The following SRPX2 variants were observed in gnomAD, a reference collection of about 807,000 sequenced individuals.
SRPX2 encodes the protein sushi repeat-containing protein SRPX2.
In SRPX2, 26 loss-of-function variants were observed where a neutral mutation model predicts 45.3. That is an observed-to-expected ratio of 0.57 (90% CI 0.42 to 0.80). SRPX2 has a LOEUF of 0.80. Ranked by LOEUF, SRPX2 falls within the 30% of genes least tolerant of loss-of-function variation. The pLI, the probability that SRPX2 is intolerant of heterozygous loss-of-function variation, is 0.00. For missense variants in SRPX2, 355 were observed against 399.8 expected (o/e 0.89, Z 0.95); for synonymous variants, 125 against 143.7 (o/e 0.87, Z 0.93).
intron 3 of SRPX2, among the ~76,000 whole-genome samples, chrX:100,655,279 G>C (rs2083165007): frequency 9.0e-6 from 1 of 111,657 alleles, no homozygotes; most frequent in Non-Finnish European, 1.9e-5. Context: ...GCAATGGAGG[G>C]AAGAGTGGGC....
chrX:100,668,342 AG>A (rs766294255), intron 9 of SRPX2, among the ~76,000 whole-genome samples: 868 of 52,337 alleles, frequency 0.017, 5 homozygotes, highest in African/African-American at 0.051. Context: ...AAAAAAAAAA[AG>A]AAAAAAAAAA....
intron 10 of SRPX2, 47 bp downstream of exon 10, chrX:100,669,416 C>CGGGGGGGGGGGGGG: frequency 9.6e-6 from 1 of 104,445 alleles, no homozygotes; most frequent in Non-Finnish European, 1.8e-5. Flanking sequence ...GGGGCTGGGG[C>CGGGGGGGGGGGGGG]GGGGGGAGAA....
At chrX:100,669,972 A>G (rs1220889054) in intron 10 of SRPX2, among the ~76,000 whole-genome samples, 1 of 110,003 alleles carries the variant, frequency 9.1e-6, no homozygotes, top group Non-Finnish European at 1.9e-5. Flanking sequence ...AGGTTTCGCC[A>G]TATTGGCCAG....
At chrX:100,656,565 C>T (rs1343845296) in intron 3 of SRPX2, among the ~76,000 whole-genome samples, 1 of 111,910 alleles carries the variant, frequency 8.9e-6, no homozygotes, top group Non-Finnish European at 1.9e-5. Context: ...TGAGAACATG[C>T]AGTATTTGTC....
rs745629959 is a variant in SRPX2, at chrX:100,666,795, C to G, written c.823C>G (p.Leu275Val). Residue 275 changes from leucine (L) to valine (V), a missense_variant, in exon 8 of 11, where the codon CTC (leucine) becomes GTC (valine). Leu to Val is a conservative substitution (Grantham distance 32, BLOSUM62 1). Coordinates refer to ENST00000373004, the MANE Select transcript of SRPX2 (RefSeq NM_014467.3). The part of the protein sequence containing the change: ...PTLKPPQHGY[L>V]TCTSAGDNYG... ...TCTGAAACCTCCGCAGCACGGCTAC[C>G]TCACCTGCACCTCAGCGGGGGACAA... The G allele has an allele frequency of 8.2e-7, 1 of 1,212,311 alleles. No homozygotes were observed. Among genetic ancestry groups the G allele is most frequent in the African/African-American group, 1.7e-5 (1 of 57,959 alleles).
Position 100,673,976 on chromosome X carries a change from G to C in SRPX2, c.*2989G>C, listed in dbSNP as rs976225586. 5.3e-5 allele frequency: 6 copies of C among 112,198 alleles called. No homozygotes were observed. The highest frequency in any genetic ancestry group is 1.9e-4 in the African/African-American group (6 of 30,852). The allele number at this position is 112,198 out of a possible 1,213,427, so 9.2% of individuals were successfully genotyped here. On this transcript the variant is annotated 3_prime_UTR_variant, in exon 11 of 11. Transcript: ENST00000373004. Reference sequence around the variant, plus strand: ...GCACAAGAGGTCAAGAATTGCTTGGGTTCTACCTAGAAATCAAGAGCCTTA... The same window carrying C: ...GCACAAGAGGTCAAGAATTGCTTGGCTTCTACCTAGAAATCAAGAGCCTTA...
At position 100,672,825 on chromosome X, in the gene SRPX2, A is replaced by G. The variant is rs1158431728; in HGVS notation, c.*1838A>G. ...AGTCTTGAAAGCGGAGTGATGGGAC[A>G]TAAATCATGAGCCCAGAACAAATTG... On this transcript the variant is annotated 3_prime_UTR_variant, in exon 11 of 11. Transcript: ENST00000373004. 1 of 112,312 alleles carries G rather than the reference A, an allele frequency of 8.9e-6. No homozygotes were observed. Among genetic ancestry groups the G allele is most frequent in the Non-Finnish European group, 1.9e-5 (1 of 53,307 alleles). 9.3% of individuals were successfully genotyped at this position (112,312 alleles called of 1,213,427 possible).
intron 3 of SRPX2, among the ~76,000 whole-genome samples, chrX:100,655,218 A>C (rs760937855): frequency 8.9e-6 from 1 of 111,989 alleles, no homozygotes; most frequent in East Asian, 2.8e-4. Flanking sequence ...CACACTTGCT[A>C]TGTAGTGATA....
chrX:100,654,681 A>T (rs930919919), intron 3 of SRPX2, among the ~76,000 whole-genome samples: 1 of 111,880 alleles, frequency 8.9e-6, no homozygotes, highest in Non-Finnish European at 1.9e-5. Context: ...TTTTAGATTC[A>T]GAGAGTCACA....
chrX:100,646,120 C>T (rs185982975), intron 1 of SRPX2, 73 bp from the exon 2 acceptor site: 52 of 435,001 alleles, frequency 1.2e-4, no homozygotes, highest in East Asian at 1.2e-4. Flanking sequence ...TATTCTATAA[C>T]ATGAAAGATC....
chrX:100,665,381 T>A lies in SRPX2; in HGVS notation c.659+12T>A. On this transcript the variant is annotated intron_variant, in intron 6 of 10. Coordinates refer to ENST00000373004, the MANE Select transcript of SRPX2 (RefSeq NM_014467.3). ...GGTACCATCACCAGGTGAGCCTGAATAATGGATGCCCCTTATGCCTTCCCT... is the reference window on the plus strand; with the variant it reads ...GGTACCATCACCAGGTGAGCCTGAAAAATGGATGCCCCTTATGCCTTCCCT... 1 of 1,209,071 alleles carries A rather than the reference T, an allele frequency of 8.3e-7. No homozygotes were observed.
At chrX:100,649,912 C>T (rs1204247303) in intron 2 of SRPX2, among the ~76,000 whole-genome samples, 2 of 112,039 alleles carry the variant, frequency 1.8e-5, no homozygotes, top group Admixed American at 9.4e-5. Flanking sequence ...GGAGGGCTTC[C>T]GGAAACTTCA....
At chrX:100,650,901 T>C (rs373743418) in intron 3 of SRPX2, 36 bp downstream of exon 3, 4 of 1,134,950 alleles carry the variant, frequency 3.5e-6, no homozygotes, top group Non-Finnish European at 4.8e-6. Context: ...AGAAAATCTC[T>C]TTTCTGGCCT....
rs1033984951 is a variant in SRPX2, at chrX:100,673,282, A to G, written c.*2295A>G. The G allele has an allele frequency of 5.3e-5, 6 of 112,492 alleles. No homozygotes were observed. Among genetic ancestry groups the G allele is most frequent in the African/African-American group, 1.9e-4 (6 of 30,946 alleles). The allele number at this position is 112,492 out of a possible 1,213,427, so 9.3% of individuals were successfully genotyped here. A position where few individuals can be genotyped will look rare whatever the true frequency, so the allele number is the denominator to read the frequency against. ...TGGACCTGACTCAAGGAACATTTAT[A>G]TGCAACTGAGGAGCTTTTGTTTCAT... On this transcript the variant is annotated 3_prime_UTR_variant, in exon 11 of 11. Coordinates refer to ENST00000373004, the MANE Select transcript of SRPX2 (RefSeq NM_014467.3).
intron 3 of SRPX2, among the ~76,000 whole-genome samples, chrX:100,658,745 G>A (rs1041308025): frequency 2.7e-5 from 3 of 111,974 alleles, no homozygotes; most frequent in Non-Finnish European, 3.8e-5. Context: ...CCATGAACAC[G>A]GGATATCTAT....
chrX:100,655,288 G>T (rs924566916), intron 3 of SRPX2, among the ~76,000 whole-genome samples: 3 of 111,396 alleles, frequency 2.7e-5, no homozygotes, highest in African/African-American at 9.8e-5. Context: ...GGAAGAGTGG[G>T]CATAATATGC....
intron 3 of SRPX2, among the ~76,000 whole-genome samples, chrX:100,655,855 GTT>G (rs11362126): frequency 0.017 from 851 of 50,021 alleles, 6 homozygotes; most frequent in African/African-American, 0.034. Flanking sequence ...GGGTGGGGGA[GTT>G]TTTTTTTTTT....
chrX:100,669,156 A>C, intron 9 of SRPX2, 92 bp from the exon 10 acceptor site: 1 of 1,156,979 alleles, frequency 8.6e-7, no homozygotes. Context: ...CCTTTCCCAC[A>C]CTGCTTCATA....
Position 100,675,347 on chromosome X carries a change from T to A in SRPX2, c.*4360T>A, listed in dbSNP as rs1329508278. ...GTGCTTTTCAAAAGCAGCTCCATTA[T>A]AAGAGTCCCCCAAAGGTCTAGTAAA... On this transcript the variant is annotated 3_prime_UTR_variant, in exon 11 of 11. Coordinates refer to ENST00000373004, the MANE Select transcript of SRPX2 (RefSeq NM_014467.3). 8.9e-6 allele frequency: 1 copy of A among 112,431 alleles called. No homozygotes were observed. The highest frequency in any genetic ancestry group is 3.2e-5 in the African/African-American group (1 of 30,840). 9.3% of individuals were successfully genotyped at this position (112,431 alleles called of 1,213,427 possible). A position where few individuals can be genotyped will look rare whatever the true frequency, so the allele number is the denominator to read the frequency against.
Sources: allele counts gnomAD v4.1 joint callset (sites outside exome capture counted in the v4.1 genomes callset), GRCh38; gene constraint gnomAD v4.1.1; transcripts MANE v1.5; gene names NCBI Gene and HGNC (gene_info 2026-07-23, HGNC 2026-07-21).